The following SORCS2 variants were observed in gnomAD, a reference collection of about 807,000 sequenced individuals.
SORCS2 encodes the protein sortilin related VPS10 domain containing receptor 2.
SORCS2 carries 100 observed loss-of-function variants against 141.6 expected under a neutral mutation model. That is an observed-to-expected ratio of 0.71 (90% CI 0.60 to 0.83). The LOEUF (loss-of-function observed/expected upper bound fraction) is 0.83. Among genes scored for constraint, SORCS2 ranks in the 40% least tolerant of loss-of-function variants. SORCS2 has a pLI of 0.00. For synonymous variants in SORCS2, 789 were observed against 676.9 expected, an observed-to-expected ratio of 1.17 and a Z score of -2.57; for missense variants, 1,646 against 1,560.2, an observed-to-expected ratio of 1.05 and a Z score of -0.93.
At chr4:7,414,842 G>C (rs1725555462) in intron 2 of SORCS2, among the ~76,000 whole-genome samples, 1 of 152,102 alleles carries the variant, frequency 6.6e-6, no homozygotes, top group Non-Finnish European at 1.5e-5. Context: ...CTTCATACAT[G>C]GTTGGTGTTG....
At chr4:7,375,393 C>T (rs539555138) in intron 1 of SORCS2, among the ~76,000 whole-genome samples, 90 of 152,338 alleles carry the variant, frequency 5.9e-4, no homozygotes, top group African/African-American at 1.4e-3. Flanking sequence ...TGCTACATCC[C>T]GTGTTGGGTG....
chr4:7,433,729 G>T (rs1166630951), intron 2 of SORCS2: 5 of 1,613,178 alleles, frequency 3.1e-6, no homozygotes, highest in Non-Finnish European at 3.4e-6. Context: ...CCACTCTGGG[G>T]ACGGCACGAT....
chr4:7,527,653 G>A lies in SORCS2; in HGVS notation c.549-3877G>A, dbSNP rs573163846. Among the ~76,000 whole-genome samples the A allele has an allele frequency of 1.4e-4, 22 of 152,248 alleles. 1 individual carries two copies. In the South Asian group the frequency reaches 2.5e-3, roughly 17 times the overall value. On this transcript the variant is annotated intron_variant, in intron 2 of 26. Coordinates refer to ENST00000507866, the MANE Select transcript of SORCS2 (RefSeq NM_020777.3). The stretch of plus-strand genomic sequence containing the variant: ...CTGGTTTTAAGCTGCTGAGTCTGTG[G>A]GCCTTTGTTACAGCAGCCATGGGAA...
At chr4:7,553,391 T>C (rs1713868797) in intron 3 of SORCS2, among the ~76,000 whole-genome samples, 1 of 152,212 alleles carries the variant, frequency 6.6e-6, no homozygotes, top group South Asian at 2.1e-4. Flanking sequence ...TACAAACATA[T>C]TTTCAGTACT....
intron 2 of SORCS2, among the ~76,000 whole-genome samples, chr4:7,406,356 T>C (rs11728164): frequency 0.29 from 39,768 of 137,368 alleles, 6,598 homozygotes; most frequent in Middle Eastern, 0.46. Context: ...GGTGAAACCA[T>C]TGGATCCTAG....
At position 7,199,246 on chromosome 4, in the gene SORCS2, C is replaced by T. The variant is rs541611075; in HGVS notation, c.480+6120C>T. 1.8e-4 allele frequency among the ~76,000 whole-genome samples: 28 copies of T among 152,204 alleles called. No individual in the cohort carries two copies. In the East Asian group the frequency reaches 2.1e-3, roughly 12 times the overall value. On this transcript the variant is annotated intron_variant, in intron 1 of 26. Coordinates refer to ENST00000507866, the MANE Select transcript of SORCS2 (RefSeq NM_020777.3). ...CTCTTGAAGTGCTTGTGGTCCAAAG[C>T]GGGGTGGGGGCAGAGAGCCCCAGGG...
chr4:7,223,020 G>A (rs998952283), intron 1 of SORCS2, among the ~76,000 whole-genome samples: 1 of 152,164 alleles, frequency 6.6e-6, no homozygotes, highest in Admixed American at 6.5e-5. Flanking sequence ...TGGACCCCAG[G>A]ATGCTGAAAT....
chr4:7,264,023 G>A (rs539994674), intron 1 of SORCS2, among the ~76,000 whole-genome samples: 53 of 152,264 alleles, frequency 3.5e-4, no homozygotes, highest in Non-Finnish European at 6.0e-4. Flanking sequence ...GTGCCAGGCC[G>A]AGTGCCAGGT....
intron 1 of SORCS2, among the ~76,000 whole-genome samples, chr4:7,388,655 T>A (rs1723644956): frequency 6.6e-6 from 1 of 152,144 alleles, no homozygotes; most frequent in Non-Finnish European, 1.5e-5. Context: ...TGTTTTTAAA[T>A]TGAGATAAAA....
chr4:7,407,652 T>C (rs867195341), intron 2 of SORCS2, among the ~76,000 whole-genome samples: 31 of 152,106 alleles, frequency 2.0e-4, no homozygotes, highest in Middle Eastern at 6.3e-3. Flanking sequence ...TACCTTTTCA[T>C]TGGAAAATCG....
chr4:7,732,594 A>G (rs769723498), intron 23 of SORCS2, among the ~76,000 whole-genome samples: 17 of 152,010 alleles, frequency 1.1e-4, no homozygotes, highest in Non-Finnish European at 2.4e-4. Context: ...TCCCTCAGGT[A>G]GGGGGTCTGA....
intron 4 of SORCS2, among the ~76,000 whole-genome samples, chr4:7,652,860 G>T (rs889512722): frequency 6.6e-6 from 1 of 152,174 alleles, no homozygotes; most frequent in East Asian, 1.9e-4. Context: ...TGATTTGCAG[G>T]GTGCAGTGCA....
intron 2 of SORCS2, among the ~76,000 whole-genome samples, chr4:7,494,151 G>T (rs1560330650): frequency 6.6e-6 from 1 of 152,182 alleles, no homozygotes; most frequent in South Asian, 2.1e-4. Flanking sequence ...AATATAGTTC[G>T]TATCTTTTGT....
intron 1 of SORCS2, chr4:7,382,078 C>T: frequency 2.9e-6 from 2 of 690,238 alleles, no homozygotes; most frequent in Non-Finnish European, 3.6e-6. Context: ...ATGAGGGGCT[C>T]CAAGGCCTCC....
intron 3 of SORCS2, among the ~76,000 whole-genome samples, chr4:7,614,209 C>T (rs1459610589): frequency 1.4e-5 from 2 of 146,744 alleles, no homozygotes; most frequent in African/African-American, 5.2e-5. Context: ...CCTATTCATC[C>T]ACCTATTCAC....
At chr4:7,574,370 AT>A (rs564607227) in intron 3 of SORCS2, among the ~76,000 whole-genome samples, 51 of 152,196 alleles carry the variant, frequency 3.4e-4, no homozygotes, top group Non-Finnish European at 6.9e-4. Context: ...AGCCAAGTGC[AT>A]TTTTTAACAT....
chr4:7,618,823 G>C lies in SORCS2; in HGVS notation c.649-19505G>C, dbSNP rs138426535. Among the ~76,000 whole-genome samples, 396 of 133,204 alleles carry C rather than the reference G, an allele frequency of 3.0e-3. 4 individuals are homozygous for C. The highest frequency in any genetic ancestry group is 0.01 in the African/African-American group (385 of 37,608). 87.4% of individuals were successfully genotyped at this position (133,204 alleles called of 152,430 possible). On this transcript the variant is annotated intron_variant, in intron 3 of 26. Coordinates refer to ENST00000507866, the MANE Select transcript of SORCS2 (RefSeq NM_020777.3). The stretch of plus-strand genomic sequence containing the variant: ...ATATTATTGCTTTTACTTATTGTCT[G>C]AGCCATGTGCGCAAACACACACACA...
intron 3 of SORCS2, among the ~76,000 whole-genome samples, chr4:7,558,863 G>T (rs1714326087): frequency 6.6e-6 from 1 of 152,160 alleles, no homozygotes; most frequent in Admixed American, 6.5e-5. Context: ...CCCAAAGCCG[G>T]CCCATAGAGC....
intron 2 of SORCS2, among the ~76,000 whole-genome samples, chr4:7,423,547 T>C (rs1168707803): frequency 6.6e-6 from 1 of 152,166 alleles, no homozygotes. Flanking sequence ...CCCTAAGTGC[T>C]GGTGTTACTG....
Sources: gnomAD v4.1 joint callset for allele counts (sites outside exome capture counted in the v4.1 genomes callset) on GRCh38, gnomAD v4.1.1 for gene constraint, MANE v1.5 for transcripts, NCBI Gene and HGNC (gene_info 2026-07-23, HGNC 2026-07-21) for gene names.